PCLO: variants seen among roughly 807,000 people sequenced by gnomAD.
The protein encoded by PCLO is protein piccolo.
A neutral mutation model predicts 427.5 loss-of-function variants in PCLO; 82 were observed. The observed-to-expected ratio is 0.19, with a 90% confidence interval of 0.16 to 0.23. PCLO has a LOEUF of 0.23. Among genes scored for constraint, PCLO ranks in the 10% least tolerant of loss-of-function variants. The pLI, the probability that PCLO is intolerant of heterozygous loss-of-function variation, is 1.00. For missense variants in PCLO, 6,239 were observed against 6,115.9 expected, an observed-to-expected ratio of 1.02 and a Z score of -0.67; for synonymous variants, 2,357 against 2,155.4, an observed-to-expected ratio of 1.09 and a Z score of -2.59.
intron 6 of PCLO, among the ~76,000 whole-genome samples, chr7:82,942,986 AT>A (rs1405788572): frequency 6.6e-6 from 1 of 152,036 alleles, no homozygotes; most frequent in Non-Finnish European, 1.5e-5. Context: ...CCTAATAAAT[AT>A]TATTATTATT....
At chr7:83,008,989 CA>C (rs200010496) in intron 3 of PCLO, among the ~76,000 whole-genome samples, 1,691 of 150,840 alleles carry the variant, frequency 0.011, 32 homozygotes, top group African/African-American at 0.038. Flanking sequence ...ATATAAAGGC[CA>C]AAAAAAAGTT....
intron 3 of PCLO, among the ~76,000 whole-genome samples, chr7:83,085,573 G>A (rs1156815844): frequency 6.6e-6 from 1 of 152,112 alleles, no homozygotes; most frequent in African/African-American, 2.4e-5. Context: ...GTATTTCGGA[G>A]TGCCAAAAAG....
At chr7:82,892,157 C>T (rs1433932600) in intron 9 of PCLO, among the ~76,000 whole-genome samples, 1 of 152,122 alleles carries the variant, frequency 6.6e-6, no homozygotes, top group African/African-American at 2.4e-5. Context: ...GGAGGCATCA[C>T]ACCTCCTGAC....
At chr7:83,130,203 G>A (rs10238715) in intron 3 of PCLO, among the ~76,000 whole-genome samples, 6 of 152,058 alleles carry the variant, frequency 3.9e-5, no homozygotes, top group African/African-American at 9.7e-5. Flanking sequence ...TATTTGAGAC[G>A]AAGTCTCTCT....
chr7:82,770,166 A>G (rs530336558), intron 22 of PCLO, among the ~76,000 whole-genome samples: 1 of 152,256 alleles, frequency 6.6e-6, no homozygotes, highest in African/African-American at 2.4e-5. Flanking sequence ...CCAAAATTAC[A>G]AAGGTAAATT....
chr7:82,790,579 C>T (rs567133688), intron 22 of PCLO, among the ~76,000 whole-genome samples: 19 of 152,102 alleles, frequency 1.2e-4, no homozygotes, highest in Non-Finnish European at 2.5e-4. Context: ...CAGCAGAGTA[C>T]CTTAATATTC....
Position 83,031,916 on chromosome 7 carries a change from T to C in PCLO, c.3301-65429A>G, listed in dbSNP as rs4140995. Among the ~76,000 whole-genome samples, 2,358 of 152,268 alleles carry C rather than the reference T, an allele frequency of 0.015. 145 individuals carry two copies. The East Asian group carries it at 0.17, about 11-fold the overall frequency. ...TTCCCCTTACTTTACTTAAACCCTT[T>C]TCAGGACTACCCTTGATATGTCTGC... On this transcript the variant is annotated intron_variant, in intron 3 of 24. Transcript: ENST00000333891.
At chr7:82,982,957 T>C (rs1796178042) in intron 3 of PCLO, among the ~76,000 whole-genome samples, 1 of 151,708 alleles carries the variant, frequency 6.6e-6, no homozygotes, top group South Asian at 2.1e-4. Context: ...TATCTATATT[T>C]TAATTTTCTC....
intron 22 of PCLO, among the ~76,000 whole-genome samples, chr7:82,773,100 C>T (rs922854002): frequency 6.6e-6 from 1 of 152,148 alleles, no homozygotes; most frequent in East Asian, 1.9e-4. Context: ...TTGGCTACAA[C>T]TCCCAAGCAT....
At chr7:82,973,546 G>A (rs1161650853) in intron 3 of PCLO, among the ~76,000 whole-genome samples, 1 of 152,048 alleles carries the variant, frequency 6.6e-6, no homozygotes, top group Non-Finnish European at 1.5e-5. Flanking sequence ...GGTACTGTTA[G>A]AAACTTGTAC....
intron 3 of PCLO, among the ~76,000 whole-genome samples, chr7:82,991,401 T>TC (rs1043624919): frequency 7.9e-5 from 12 of 152,078 alleles, no homozygotes; most frequent in African/African-American, 2.9e-4. Flanking sequence ...AACATTGATG[T>TC]TATAAGTGGT....
Position 83,056,159 on chromosome 7 carries a change from G to A in PCLO, c.3300+78091C>T, listed in dbSNP as rs185967012. ...ATAGGTTTCTGGGCCTCACACCTCAGACTGAATCTCAGAATAACTTTGGAG... is the reference window on the plus strand; with the variant it reads ...ATAGGTTTCTGGGCCTCACACCTCAAACTGAATCTCAGAATAACTTTGGAG... On this transcript the variant is annotated intron_variant, in intron 3 of 24. Transcript: ENST00000333891. Among the ~76,000 whole-genome samples, 178 of 152,116 alleles carry A rather than the reference G, an allele frequency of 1.2e-3. 1 individual carries two copies. Among genetic ancestry groups the A allele is most frequent in the African/African-American group, 4.0e-3 (168 of 41,488 alleles).
At chr7:82,947,798 T>C (rs528058172) in intron 6 of PCLO, among the ~76,000 whole-genome samples, 2 of 152,274 alleles carry the variant, frequency 1.3e-5, no homozygotes, top group South Asian at 4.1e-4. Context: ...CAATCAGTAA[T>C]ACAACCTTTA....
intron 2 of PCLO, among the ~76,000 whole-genome samples, chr7:83,153,306 T>G (rs1020417853): frequency 1.3e-5 from 2 of 151,824 alleles, no homozygotes; most frequent in Non-Finnish European, 2.9e-5. Context: ...TTAATTGTAG[T>G]TTTATAAGTA....
chr7:83,131,710 T>C (rs984950433), intron 3 of PCLO, among the ~76,000 whole-genome samples: 1 of 151,998 alleles, frequency 6.6e-6, no homozygotes, highest in Non-Finnish European at 1.5e-5. Flanking sequence ...GGCATGGAAG[T>C]ACGGTACTAA....
At chr7:82,917,558 T>C (rs1794497350) in intron 6 of PCLO, among the ~76,000 whole-genome samples, 1 of 152,088 alleles carries the variant, frequency 6.6e-6, no homozygotes, top group Non-Finnish European at 1.5e-5. Flanking sequence ...GGTTAATTTG[T>C]CATAAACTTG....
At chr7:83,034,177 C>CTTAG (rs1788736568) in intron 3 of PCLO, among the ~76,000 whole-genome samples, 1 of 152,118 alleles carries the variant, frequency 6.6e-6, no homozygotes, top group South Asian at 2.1e-4. Context: ...CTCAATTTAA[C>CTTAG]TTAGACCCAT....
At chr7:82,767,133 AACAAAC>A (rs1447349801) in intron 22 of PCLO, among the ~76,000 whole-genome samples, 2 of 152,146 alleles carry the variant, frequency 1.3e-5, no homozygotes, top group African/African-American at 4.8e-5. Flanking sequence ...AAAACAAACA[AACAAAC>A]AAACAACAAA....
At chr7:82,984,899 G>GT (rs1229219218) in intron 3 of PCLO, among the ~76,000 whole-genome samples, 1 of 151,924 alleles carries the variant, frequency 6.6e-6, no homozygotes, top group African/African-American at 2.4e-5. Context: ...AGTAGGCAAT[G>GT]TATGTCAAAT....
Sources: gnomAD v4.1 joint callset for allele counts (sites outside exome capture counted in the v4.1 genomes callset) on GRCh38, gnomAD v4.1.1 for gene constraint, MANE v1.5 for transcripts, NCBI Gene and HGNC (gene_info 2026-07-23, HGNC 2026-07-21) for gene names.